INPP4B: variants seen among roughly 807,000 people sequenced by gnomAD.
INPP4B encodes inositol polyphosphate-4-phosphatase type II B, also known as inositol polyphosphate 4-phosphatase type II.
Under a neutral mutation model 122.5 loss-of-function variants are expected in INPP4B, and 55 were observed. The observed-to-expected ratio is 0.45, with a 90% confidence interval of 0.36 to 0.56. The LOEUF is 0.56. Among genes scored for constraint, INPP4B ranks in the 20% least tolerant of loss-of-function variants. The pLI, the probability that INPP4B is intolerant of heterozygous loss-of-function variation, is 0.00. For synonymous variants in INPP4B, 403 were observed against 388.7 expected, an observed-to-expected ratio of 1.04 and a Z score of -0.43; for missense variants, 1,000 against 1,097.7, an observed-to-expected ratio of 0.91 and a Z score of 1.26.
chr4:142,427,712 T>TTATTTGTGC (rs1808412938), intron 5 of INPP4B, among the ~76,000 whole-genome samples: 1 of 152,004 alleles, frequency 6.6e-6, no homozygotes, highest in Non-Finnish European at 1.5e-5. Context: ...CAAGAAAGCT[T>TTATTTGTGC]TATTTGTGCT....
At chr4:142,475,734 AG>A (rs1417522814) in intron 2 of INPP4B, among the ~76,000 whole-genome samples, 1 of 152,178 alleles carries the variant, frequency 6.6e-6, no homozygotes, top group African/African-American at 2.4e-5. Context: ...AACCAAGAGG[AG>A]GAAAGAATCT....
chr4:142,231,517 CTT>C (rs1854367568), intron 12 of INPP4B, among the ~76,000 whole-genome samples: 1 of 152,252 alleles, frequency 6.6e-6, no homozygotes, highest in African/African-American at 2.4e-5. Context: ...CTAATAATAT[CTT>C]GTTTGTAATA....
intron 2 of INPP4B, among the ~76,000 whole-genome samples, chr4:142,493,999 T>C (rs1349173083): frequency 6.6e-6 from 1 of 152,158 alleles, no homozygotes; most frequent in Non-Finnish European, 1.5e-5. Context: ...TCCATGCTGT[T>C]CTTGGGACAG....
At chr4:142,599,567 A>G (rs1739434530) in intron 2 of INPP4B, among the ~76,000 whole-genome samples, 1 of 152,182 alleles carries the variant, frequency 6.6e-6, no homozygotes, top group African/African-American at 2.4e-5. Flanking sequence ...ATCTAGAAGA[A>G]GCCACTGTTA....
chr4:142,333,520 C>G (rs1320541068), intron 7 of INPP4B, among the ~76,000 whole-genome samples: 1 of 151,984 alleles, frequency 6.6e-6, no homozygotes, highest in Non-Finnish European at 1.5e-5. Context: ...AATATATTAC[C>G]TATATGTTAT....
intron 1 of INPP4B, among the ~76,000 whole-genome samples, chr4:142,748,439 A>C (rs951375318): frequency 6.6e-6 from 1 of 152,082 alleles, no homozygotes; most frequent in Non-Finnish European, 1.5e-5. Flanking sequence ...ATTTAAAAAC[A>C]CAAGTTAGTT....
intron 19 of INPP4B, 145 bp downstream of exon 19, chr4:142,124,443 A>T: frequency 1.5e-6 from 1 of 676,278 alleles, no homozygotes; most frequent in Non-Finnish European, 2.5e-6. Context: ...GCTGATATTT[A>T]TCGTGAATAA....
chr4:142,245,639 T>A (rs760688459), intron 11 of INPP4B, among the ~76,000 whole-genome samples: 1 of 152,070 alleles, frequency 6.6e-6, no homozygotes, highest in East Asian at 1.9e-4. Context: ...TTCTGTTGTT[T>A]GCAATAGTTC....
chr4:142,845,063 G>T (rs1261614325), intron 1 of INPP4B, among the ~76,000 whole-genome samples: 2 of 152,174 alleles, frequency 1.3e-5, no homozygotes, highest in East Asian at 3.8e-4. Context: ...TCTGGTTAGG[G>T]AGAAGATAAA....
At chr4:142,379,536 C>G (rs1216881837) in intron 7 of INPP4B, among the ~76,000 whole-genome samples, 1 of 152,116 alleles carries the variant, frequency 6.6e-6, no homozygotes, top group Non-Finnish European at 1.5e-5. Flanking sequence ...AATACCAACC[C>G]CAACCTAGTT....
intron 1 of INPP4B, among the ~76,000 whole-genome samples, chr4:142,770,273 G>A (rs1305150221): frequency 6.6e-6 from 1 of 151,970 alleles, no homozygotes; most frequent in Non-Finnish European, 1.5e-5. Flanking sequence ...ATCAACCTTG[G>A]TCCAATATCA....
chr4:142,661,983 C>T (rs1755250613), intron 2 of INPP4B, among the ~76,000 whole-genome samples: 1 of 152,114 alleles, frequency 6.6e-6, no homozygotes, highest in Non-Finnish European at 1.5e-5. Flanking sequence ...CCTGTAATCC[C>T]AGCACGTTGG....
intron 2 of INPP4B, among the ~76,000 whole-genome samples, chr4:142,501,652 T>G (rs1823387722): frequency 6.6e-6 from 1 of 151,760 alleles, no homozygotes; most frequent in South Asian, 2.1e-4. Context: ...GAAGGCAAAG[T>G]GACAATTAAA....
At chr4:142,687,768 A>G (rs1759578517) in intron 2 of INPP4B, among the ~76,000 whole-genome samples, 1 of 151,836 alleles carries the variant, frequency 6.6e-6, no homozygotes. Context: ...TTGCTGAGAC[A>G]CTCTAAGCAG....
At chr4:142,799,362 C>T (rs1777714942) in intron 1 of INPP4B, among the ~76,000 whole-genome samples, 2 of 151,646 alleles carry the variant, frequency 1.3e-5, no homozygotes, top group Non-Finnish European at 3.0e-5. Flanking sequence ...TTAGACAATT[C>T]CAAAAAACAT....
chr4:142,071,146 C>G (rs760225951), intron 25 of INPP4B, among the ~76,000 whole-genome samples: 27 of 152,080 alleles, frequency 1.8e-4, no homozygotes, highest in Non-Finnish European at 1.6e-4. Flanking sequence ...AGATATAGAC[C>G]AATGGAACAA....
intron 2 of INPP4B, among the ~76,000 whole-genome samples, chr4:142,681,205 A>G (rs929593720): frequency 4.0e-5 from 6 of 151,802 alleles, no homozygotes; most frequent in Non-Finnish European, 8.8e-5. Context: ...GGCCCTTTAA[A>G]CAGTCTAAGG....
intron 7 of INPP4B, among the ~76,000 whole-genome samples, chr4:142,397,579 C>T (rs1799751868): frequency 1.3e-5 from 2 of 152,080 alleles, no homozygotes; most frequent in South Asian, 4.1e-4. Context: ...ATGACTCGTG[C>T]CTGTAATCCC....
At chr4:142,690,762 T>A (rs775349752) in intron 2 of INPP4B, among the ~76,000 whole-genome samples, 3 of 152,080 alleles carry the variant, frequency 2.0e-5, no homozygotes, top group African/African-American at 7.2e-5. Context: ...CACTTTTCTA[T>A]CCCAGTGAAT....
Sources: allele counts gnomAD v4.1 joint callset (sites outside exome capture counted in the v4.1 genomes callset), GRCh38; gene constraint gnomAD v4.1.1; transcripts MANE v1.5; gene names NCBI Gene and HGNC (gene_info 2026-07-23, HGNC 2026-07-21).